The following NRXN2 variants were observed in gnomAD, a reference collection of about 807,000 sequenced individuals.
The protein encoded by NRXN2 is neurexin 2, also known as neurexin-2-beta.
NRXN2 carries 29 observed loss-of-function variants against 128.8 expected under a neutral mutation model. That is an observed-to-expected ratio of 0.23 (90% CI 0.17 to 0.31). The LOEUF is 0.31. Among genes scored for constraint, NRXN2 ranks in the 10% least tolerant of loss-of-function variants. NRXN2 has a pLI of 1.00. For synonymous variants in NRXN2, 1,098 were observed against 1,075.2 expected (o/e 1.02, Z -0.41); for missense variants, 1,881 against 2,452.6 (o/e 0.77, Z 4.92).
chr11:64,667,699 G>T lies in NRXN2; in HGVS notation c.1360-11C>A. On this transcript the variant is annotated splice_polypyrimidine_tract_variant and intron_variant, in intron 8 of 22. Coordinates refer to ENST00000265459, the MANE Select transcript of NRXN2 (RefSeq NM_015080.4). The surrounding 1 kb of genome is among the most constrained non-coding windows in gnomAD (Gnocchi z 5.6). ...GTTCTTATAGACCACCTGCAGGGAG[G>T]GGTGGGGTCAGGGATAAAGAATCCG... 1 of 1,613,572 alleles carries T rather than the reference G, an allele frequency of 6.2e-7. No individual in the cohort carries two copies. The highest frequency in any genetic ancestry group is 8.5e-7 in the Non-Finnish European group (1 of 1,179,854).
rs2049979252 is a variant in NRXN2 at position 64,667,095 on chromosome 11, A to G, written c.1798+155T>C. ...CTGCCAATGTCCGATGACAGAAAGG[A>G]CAATTGGGAAGACGTGAGGGGGGTG... On this transcript the variant is annotated intron_variant, in intron 9 of 22. Coordinates refer to ENST00000265459, the MANE Select transcript of NRXN2 (RefSeq NM_015080.4). This position sits in a 1 kb window ranked among gnomAD's most constrained non-coding sequence, Gnocchi z 5.6. Among the ~76,000 whole-genome samples the G allele has an allele frequency of 6.6e-6, 1 of 152,132 alleles. No homozygotes were observed. Among genetic ancestry groups the G allele is most frequent in the Non-Finnish European group, 1.5e-5 (1 of 68,026 alleles).
At chr11:64,670,935 C>T (rs1002198521) in intron 7 of NRXN2, among the ~76,000 whole-genome samples, 4 of 152,204 alleles carry the variant, frequency 2.6e-5, no homozygotes, top group Non-Finnish European at 4.4e-5. Context: ...AGCCAGGGCA[C>T]CAGCCACTGG....
chr11:64,702,130 G>C (rs1187501431), intron 2 of NRXN2, among the ~76,000 whole-genome samples: 3 of 136,264 alleles, frequency 2.2e-5, no homozygotes, highest in Admixed American at 7.4e-5. Context: ...GAGGTAGGTG[G>C]GGGGGTCAGC....
chr11:64,630,621 A>G lies in NRXN2; in HGVS notation c.3586-48T>C, dbSNP rs931505723. Reference sequence around the variant, plus strand: ...CAGCGACCAGAGGGAGCAACCATTCATCCCTTCTAGTGGCTACTCCTGTGA... The same window carrying G: ...CAGCGACCAGAGGGAGCAACCATTCGTCCCTTCTAGTGGCTACTCCTGTGA... On this transcript the variant is annotated intron_variant, in intron 18 of 22. Coordinates refer to ENST00000265459, the MANE Select transcript of NRXN2 (RefSeq NM_015080.4). The surrounding 1 kb of genome is among the most constrained non-coding windows in gnomAD (Gnocchi z 4.6). The G allele has an allele frequency of 1.1e-5, 18 of 1,608,608 alleles. No individual in the cohort carries two copies. The Admixed American group carries it at 1.8e-4, about 16-fold the overall frequency.
chr11:64,695,460 C>T (rs2054375331), intron 3 of NRXN2, among the ~76,000 whole-genome samples: 1 of 151,708 alleles, frequency 6.6e-6, no homozygotes, highest in Non-Finnish European at 1.5e-5. Flanking sequence ...ACAGAGGACT[C>T]CTTAGAGATA....
At chr11:64,650,004 C>G (rs1304759573) in intron 15 of NRXN2, among the ~76,000 whole-genome samples, 1 of 152,084 alleles carries the variant, frequency 6.6e-6, no homozygotes, top group African/African-American at 2.4e-5. Flanking sequence ...CCCAAGCTAG[C>G]CCAGCCGATG....
chr11:64,650,419 C>T (rs1169123878), intron 15 of NRXN2, 29 bp downstream of exon 15: 2 of 1,612,832 alleles, frequency 1.2e-6, no homozygotes, highest in East Asian at 2.2e-5. Flanking sequence ...GGGCTAGGGC[C>T]AGGCCTTCTC....
intron 9 of NRXN2, among the ~76,000 whole-genome samples, chr11:64,666,404 G>C (rs914635802): frequency 2.6e-5 from 4 of 151,712 alleles, no homozygotes; most frequent in African/African-American, 9.7e-5. Flanking sequence ...GTTTCACCAT[G>C]TTGGCCAGTC....
In NRXN2 at chr11:64,639,890, T is replaced by C. The variant is rs376667556; in HGVS notation, c.3404-4438A>G. On this transcript the variant is annotated intron_variant, in intron 17 of 22. Transcript: ENST00000265459. The stretch of plus-strand genomic sequence containing the variant: ...GGAAAGGCCTCCTGAGCTGGCCTGG[T>C]CCTCCAGCCAAGTGTAGGGTCCCAA... Among the ~76,000 whole-genome samples the C allele has an allele frequency of 2.2e-3, 332 of 152,220 alleles. 1 individual carries two copies. Among genetic ancestry groups the C allele is most frequent in the African/African-American group, 7.8e-3 (322 of 41,512 alleles).
intron 5 of NRXN2, 113 bp from the exon 6 acceptor site, chr11:64,686,060 A>T: frequency 8.6e-7 from 1 of 1,162,966 alleles, no homozygotes; most frequent in Non-Finnish European, 1.3e-6. Context: ...AGGAGCCCAG[A>T]GGTCCCAACC....
chr11:64,718,939 A>G (rs1012002604), intron 1 of NRXN2, among the ~76,000 whole-genome samples: 2 of 152,188 alleles, frequency 1.3e-5, no homozygotes, highest in African/African-American at 4.8e-5. Context: ...GCCTGGGTTC[A>G]AATGCCAGCT....
intron 22 of NRXN2, among the ~76,000 whole-genome samples, chr11:64,609,138 G>A (rs1405323969): frequency 1.3e-5 from 2 of 151,896 alleles, no homozygotes; most frequent in African/African-American, 4.8e-5. Context: ...AGGCAGGGAG[G>A]TAGGGAGGGG....
At chr11:64,665,829 A>C (rs938707626) in intron 9 of NRXN2, among the ~76,000 whole-genome samples, 13 of 152,200 alleles carry the variant, frequency 8.5e-5, no homozygotes, top group Admixed American at 6.5e-4. Flanking sequence ...TTCTTGGATA[A>C]TTCTCTCATG....
At position 64,677,038 on chromosome 11, in the gene NRXN2, C is replaced by CT; in HGVS notation, c.1153-2dup. The CT allele has an allele frequency of 6.2e-7, 1 of 1,603,288 alleles. No homozygotes were observed. The highest frequency in any genetic ancestry group is 8.5e-7 in the Non-Finnish European group (1 of 1,176,162). On this transcript the variant is annotated splice_acceptor_variant, in intron 6 of 22. Transcript: ENST00000265459. LOFTEE classifies it high-confidence loss of function. ...CCATAGCGTGTCCAATCCCTGCGTGCTTCACCGGAGATATGGGGGGATGGG... is the reference window on the plus strand; with the variant it reads ...CCATAGCGTGTCCAATCCCTGCGTGCTTTCACCGGAGATATGGGGGGATGGG...
chr11:64,622,777 G>T lies in NRXN2; in HGVS notation c.4149C>A (p.Pro1383=), dbSNP rs140652252. Residue 1383 remains proline, a synonymous_variant, in exon 21 of 23, where the codon CCC becomes CCA. Transcript: ENST00000265459. This position sits in a 1 kb window ranked among gnomAD's most constrained non-coding sequence, Gnocchi z 4.3. ...ATTTTRRGRS[P]TLRDSTTQNT... ...CCTGGGTGGTGCTGTCCCTCAGTGT[G>T]GGGGAGCGGCCCCGGCGCGTGGTGG... The T allele has an allele frequency of 6.2e-7, 1 of 1,610,658 alleles. No homozygotes were observed. The highest frequency in any genetic ancestry group is 8.5e-7 in the Non-Finnish European group (1 of 1,179,364).
intron 22 of NRXN2, among the ~76,000 whole-genome samples, chr11:64,612,903 A>G (rs2040889815): frequency 6.6e-6 from 1 of 152,246 alleles, no homozygotes; most frequent in Non-Finnish European, 1.5e-5. Flanking sequence ...GCAATATTGG[A>G]AAAACCATTC....
At position 64,630,307 on chromosome 11, in the gene NRXN2, G is replaced by T. The variant is rs536442593; in HGVS notation, c.3757+95C>A. 1 of 1,229,638 alleles carries T rather than the reference G, an allele frequency of 8.1e-7. No individual in the cohort carries two copies. The highest frequency in any genetic ancestry group is 1.5e-5 in the South Asian group (1 of 67,924). The allele number at this position is 1,229,638 out of a possible 1,614,324, so 76.2% of individuals were successfully genotyped here. A position where few individuals can be genotyped will look rare whatever the true frequency, so the allele number is the denominator to read the frequency against. On this transcript the variant is annotated intron_variant, in intron 19 of 22. Transcript: ENST00000265459. This position sits in a 1 kb window ranked among gnomAD's most constrained non-coding sequence, Gnocchi z 4.6. ...CCCAGAGCCGCTTAGCCCCGCCCCAGAGCCGCTTAGCCCCGCCCCGGTGCG... is the reference window on the plus strand; with the variant it reads ...CCCAGAGCCGCTTAGCCCCGCCCCATAGCCGCTTAGCCCCGCCCCGGTGCG...
intron 22 of NRXN2, among the ~76,000 whole-genome samples, chr11:64,617,619 G>T (rs2041735670): frequency 6.6e-6 from 1 of 152,200 alleles, no homozygotes; most frequent in African/African-American, 2.4e-5. Context: ...GATCTGCAAG[G>T]TGGGAGAGGT....
chr11:64,607,486 G>A lies in NRXN2; in HGVS notation c.4849C>T (p.Pro1617Ser). Residue 1617 changes from proline to serine, a missense_variant, in exon 23 of 23, where the codon CCT becomes TCT. By Grantham distance (74) the Pro-to-Ser change is moderately conservative. Around this residue, in one of 7 missense-constraint regions of NRXN2, gnomAD observed 310 missense variants for 318.2 expected, o/e 0.97. Coordinates refer to ENST00000265459, the MANE Select transcript of NRXN2 (RefSeq NM_015080.4). ...GCGCCCGGCGGGCCCCGCTCCCCAG[G>A]CCCTGTGGGGTTGGCTGTGGGCAGA... is the stretch of plus-strand genomic sequence containing the variant. ...PHLPTANPTGPGERGPPGAVE... is the reference protein window; with the variant it reads ...PHLPTANPTGSGERGPPGAVE... 6.2e-7 allele frequency: 1 copy of A among 1,603,436 alleles called. No homozygotes were observed. Among genetic ancestry groups the A allele is most frequent in the Admixed American group, 1.7e-5 (1 of 59,754 alleles).
Sources: allele counts gnomAD v4.1 joint callset (sites outside exome capture counted in the v4.1 genomes callset), GRCh38; gene constraint gnomAD v4.1.1; regional missense constraint gnomAD v4.1.1; non-coding constraint Gnocchi (gnomAD v3.1); transcripts MANE v1.5; gene names NCBI Gene and HGNC (gene_info 2026-07-23, HGNC 2026-07-21).